The following DOCK1 variants were observed in gnomAD, a reference collection of about 807,000 sequenced individuals.
The protein encoded by DOCK1 is dedicator of cytokinesis 1.
Under a neutral mutation model 262.7 loss-of-function variants are expected in DOCK1, and 138 were observed. That is an observed-to-expected ratio of 0.53 (90% CI 0.46 to 0.61). The LOEUF is 0.61. Ranked by LOEUF, DOCK1 falls within the 20% of genes least tolerant of loss-of-function variation. DOCK1 has a pLI of 0.00. For synonymous variants in DOCK1, 866 were observed against 867.4 expected, an observed-to-expected ratio of 1.00 and a Z score of 0.03; for missense variants, 1,908 against 2,370.7, an observed-to-expected ratio of 0.80 and a Z score of 4.05.
At chr10:127,378,995 A>G (rs981048674) in intron 35 of DOCK1, among the ~76,000 whole-genome samples, 33 of 152,240 alleles carry the variant, frequency 2.2e-4, no homozygotes, top group Admixed American at 6.5e-5. Flanking sequence ...GGTTTTGCTC[A>G]TGAAATTAAA....
intron 11 of DOCK1, among the ~76,000 whole-genome samples, chr10:127,011,597 G>T (rs1255191114): frequency 6.6e-6 from 1 of 152,204 alleles, no homozygotes; most frequent in Non-Finnish European, 1.5e-5. Flanking sequence ...TCTGTCACAG[G>T]CTCCTGGTTC....
In DOCK1 at chr10:127,012,244, C is replaced by G; in HGVS notation, c.1071C>G (p.Asp357Glu). 1.9e-6 allele frequency: 3 copies of G among 1,598,172 alleles called. No individual in the cohort carries two copies. The highest frequency in any genetic ancestry group is 2.6e-6 in the Non-Finnish European group (3 of 1,165,682). Residue 357 changes from aspartate (D) to glutamate (E), a missense_variant, in exon 12 of 52, where the codon GAC (aspartate) becomes GAG (glutamate). Coordinates refer to ENST00000623213, the MANE Select transcript of DOCK1 (RefSeq NM_001290223.2). This position sits in a 1 kb window ranked among gnomAD's most constrained non-coding sequence, Gnocchi z 4.0. Reference sequence around the variant, plus strand: ...CCGTGCCCTCCAGGCTCGCGTTGGACGACGCCATTCGACACAAGCCGCTGA... The same window carrying G: ...CCGTGCCCTCCAGGCTCGCGTTGGAGGACGCCATTCGACACAAGCCGCTGA... ...HFIPFQPLAL[D>E]DAIRHKPLNM...
At chr10:127,021,824 G>C (rs1439995331) in intron 13 of DOCK1, among the ~76,000 whole-genome samples, 1 of 151,132 alleles carries the variant, frequency 6.6e-6, no homozygotes, top group African/African-American at 2.4e-5. Context: ...AAATAGAGCA[G>C]TTTAAAAGAA....
At chr10:127,422,494 A>C (rs2068579714) in intron 46 of DOCK1, among the ~76,000 whole-genome samples, 1 of 152,052 alleles carries the variant, frequency 6.6e-6, no homozygotes, top group Non-Finnish European at 1.5e-5. Flanking sequence ...AGCCATTTTA[A>C]TGAGTGAGAA....
intron 27 of DOCK1, among the ~76,000 whole-genome samples, chr10:127,145,259 C>G (rs1003871414): frequency 1.3e-5 from 2 of 152,118 alleles, no homozygotes; most frequent in African/African-American, 4.8e-5. Flanking sequence ...GAGGCAGACC[C>G]AAGTCATTTG....
chr10:127,037,459 T>C (rs1229212728), intron 18 of DOCK1, among the ~76,000 whole-genome samples: 3 of 152,232 alleles, frequency 2.0e-5, no homozygotes, highest in Non-Finnish European at 2.9e-5. Context: ...AGTTCTTTTT[T>C]AGTTTCCCAA....
chr10:127,145,641 G>A (rs2051741289), intron 27 of DOCK1, among the ~76,000 whole-genome samples: 1 of 152,154 alleles, frequency 6.6e-6, no homozygotes, highest in African/African-American at 2.4e-5. Context: ...TCCTTTTGAA[G>A]ATGGGAGTGC....
At chr10:127,090,983 G>T (rs1162368195) in intron 23 of DOCK1, among the ~76,000 whole-genome samples, 28 of 137,198 alleles carry the variant, frequency 2.0e-4, no homozygotes, top group East Asian at 6.3e-4. Context: ...CGTCTATTTG[G>T]TTTTTTTTTT....
At chr10:126,918,285 G>A (rs1380373880) in intron 1 of DOCK1, among the ~76,000 whole-genome samples, 2 of 152,084 alleles carry the variant, frequency 1.3e-5, no homozygotes, top group Non-Finnish European at 2.9e-5. Context: ...CTCCGCTGAT[G>A]CCCGGTATCC....
At position 127,176,981 on chromosome 10, in the gene DOCK1, C is replaced by G. The variant is rs1055570273; in HGVS notation, c.2847+49217C>G. 6.6e-6 allele frequency: 1 copy of G among 152,214 alleles called. No homozygotes were observed. The highest frequency in any genetic ancestry group is 1.5e-5 in the Non-Finnish European group (1 of 68,222). The allele number at this position is 152,214 out of a possible 1,614,324, so 9.4% of individuals were successfully genotyped here. On this transcript the variant is annotated intron_variant, in intron 27 of 51. Coordinates refer to ENST00000623213, the MANE Select transcript of DOCK1 (RefSeq NM_001290223.2). The surrounding 1 kb of genome is among the most constrained non-coding windows in gnomAD (Gnocchi z 4.4). ...TTATGGATTCCGGGGGAGAGTTGGC[C>G]GTGCTCCTGGGTGGGAACCGTGAAG... is the stretch of plus-strand genomic sequence containing the variant.
At chr10:127,286,882 T>G (rs933114115) in intron 29 of DOCK1, among the ~76,000 whole-genome samples, 2 of 151,726 alleles carry the variant, frequency 1.3e-5, no homozygotes, top group Non-Finnish European at 1.5e-5. Context: ...TTTTTTCTTT[T>G]TGTTTTTTTT....
chr10:127,131,175 C>T (rs1190764705), intron 27 of DOCK1, among the ~76,000 whole-genome samples: 1 of 152,068 alleles, frequency 6.6e-6, no homozygotes, highest in Non-Finnish European at 1.5e-5. Flanking sequence ...TTGGTCTTAT[C>T]CAGAGCCACA....
intron 27 of DOCK1, among the ~76,000 whole-genome samples, chr10:127,160,257 T>G (rs2090753453): frequency 6.6e-6 from 1 of 152,182 alleles, no homozygotes. Flanking sequence ...CTAATAGTAA[T>G]TACAGTACTA....
At chr10:127,403,978 A>C (rs1034556752) in intron 39 of DOCK1, among the ~76,000 whole-genome samples, 4 of 152,228 alleles carry the variant, frequency 2.6e-5, no homozygotes, top group African/African-American at 9.7e-5. Flanking sequence ...GTATCCCACT[A>C]TCTGACCTAT....
chr10:127,050,104 T>C (rs1254194256), intron 21 of DOCK1, among the ~76,000 whole-genome samples: 5 of 151,662 alleles, frequency 3.3e-5, no homozygotes, highest in African/African-American at 1.2e-4. Flanking sequence ...GCATTTGCAT[T>C]GTTTATGTAT....
intron 1 of DOCK1, among the ~76,000 whole-genome samples, chr10:126,928,161 G>C (rs947862528): frequency 2.0e-5 from 3 of 152,224 alleles, no homozygotes; most frequent in Admixed American, 1.3e-4. Context: ...GTTCAGCAGA[G>C]TGAGAATAAG....
chr10:126,933,239 A>G (rs1403784811), intron 1 of DOCK1, among the ~76,000 whole-genome samples: 5 of 152,140 alleles, frequency 3.3e-5, no homozygotes, highest in Non-Finnish European at 7.3e-5. Flanking sequence ...TTCTGATCAA[A>G]ATGGTTAATG....
In DOCK1 at chr10:127,419,765, A is replaced by G. The variant is rs1257447743; in HGVS notation, c.4776+16A>G. The stretch of plus-strand genomic sequence containing the variant: ...TGCTTGGCAGGTAAAGTGTCCAGCA[A>G]GAGTCCTGCATGGCTGGAGGGAAGG... On this transcript the variant is annotated intron_variant, in intron 46 of 51. Coordinates refer to ENST00000623213, the MANE Select transcript of DOCK1 (RefSeq NM_001290223.2). The G allele has an allele frequency of 5.1e-6, 8 of 1,578,138 alleles. No individual in the cohort carries two copies. Among genetic ancestry groups the G allele is most frequent in the Non-Finnish European group, 5.2e-6 (6 of 1,161,274 alleles).
intron 27 of DOCK1, among the ~76,000 whole-genome samples, chr10:127,238,520 C>T (rs1215922674): frequency 6.6e-6 from 1 of 152,174 alleles, no homozygotes; most frequent in African/African-American, 2.4e-5. Context: ...TCATAGTCTT[C>T]CGTAGGTCAC....
Sources: allele counts gnomAD v4.1 joint callset (sites outside exome capture counted in the v4.1 genomes callset), GRCh38; gene constraint gnomAD v4.1.1; non-coding constraint Gnocchi (gnomAD v3.1); transcripts MANE v1.5; gene names NCBI Gene and HGNC (gene_info 2026-07-23, HGNC 2026-07-21).